EHMT1: variants seen among roughly 807,000 people sequenced by gnomAD.
EHMT1 encodes the protein euchromatic histone lysine methyltransferase 1, also known as histone-lysine N-methyltransferase EHMT1.
In EHMT1, 15 loss-of-function variants were observed where a neutral mutation model predicts 147.2. The observed-to-expected ratio is 0.10, with a 90% CI of 0.07 to 0.16. The LOEUF (loss-of-function observed/expected upper bound fraction) is 0.16. Ranked by LOEUF, EHMT1 falls within the 10% of genes least tolerant of loss-of-function variation. The pLI, the probability that EHMT1 is intolerant of heterozygous loss-of-function variation, is 1.00. For synonymous variants in EHMT1, 795 were observed against 709.6 expected (o/e 1.12, Z -1.91); for missense variants, 1,587 against 1,772.4 (o/e 0.90, Z 1.88).
intron 21 of EHMT1, among the ~76,000 whole-genome samples, chr9:137,814,072 GCC>G (rs796380276): frequency 0.043 from 666 of 15,314 alleles, 24 homozygotes; most frequent in African/African-American, 0.18. Context: ...CCCCCCCCCC[GCC>G]CCCCGCCCCA....
In EHMT1 at chr9:137,813,392, C is replaced by T. The variant is rs143083438; in HGVS notation, c.3042C>T (p.Ile1014=). 26 of 1,611,030 alleles carry T rather than the reference C, an allele frequency of 1.6e-5. No homozygotes were observed. Among genetic ancestry groups the T allele is most frequent in the Admixed American group, 8.4e-5 (5 of 59,788 alleles). Residue 1014 remains isoleucine (I), a synonymous_variant, in exon 21 of 27, where the codon ATC becomes ATT. Coordinates refer to ENST00000460843, the MANE Select transcript of EHMT1 (RefSeq NM_024757.5). This position sits in a 1 kb window ranked among gnomAD's most constrained non-coding sequence, Gnocchi z 4.9. ...SPVERIVSRD[I]ARGYERIPIP... The stretch of plus-strand genomic sequence containing the variant: ...CCTGTCCTTTCCATGGCAGGGACAT[C>T]GCTCGAGGCTACGAGCGCATCCCCA...
chr9:137,807,383 C>G (rs1954034801), intron 18 of EHMT1, among the ~76,000 whole-genome samples: 1 of 152,322 alleles, frequency 6.6e-6, no homozygotes, highest in South Asian at 2.1e-4. Context: ...GTTTTCAGCT[C>G]TAAAAGTTCT....
At chr9:137,653,403 G>C (rs1938077846) in intron 1 of EHMT1, among the ~76,000 whole-genome samples, 1 of 152,176 alleles carries the variant, frequency 6.6e-6, no homozygotes, top group Non-Finnish European at 1.5e-5. Context: ...GATGTTCACA[G>C]AACAGTGAAG....
chr9:137,705,189 C>A lies in EHMT1; in HGVS notation c.22-5778C>A, dbSNP rs148422654. 5.4e-3 allele frequency among the ~76,000 whole-genome samples: 815 copies of A among 152,194 alleles called. 8 individuals are homozygous for A. The highest frequency in any genetic ancestry group is 0.018 in the African/African-American group (762 of 41,514). Reference sequence around the variant, plus strand: ...AAATTGTTTGTAGAGATGGGGGTCTCACTGTTTTGTCTAGGCTGGTCTTGA... The same window carrying A: ...AAATTGTTTGTAGAGATGGGGGTCTAACTGTTTTGTCTAGGCTGGTCTTGA... On this transcript the variant is annotated intron_variant, in intron 1 of 26. Coordinates refer to ENST00000460843, the MANE Select transcript of EHMT1 (RefSeq NM_024757.5).
chr9:137,723,901 C>T (rs1478733020), intron 3 of EHMT1, among the ~76,000 whole-genome samples: 2 of 152,232 alleles, frequency 1.3e-5, no homozygotes, highest in Admixed American at 1.3e-4. Flanking sequence ...CAGCGTTAAT[C>T]CCCATCATAA....
chr9:137,789,282 C>G (rs1952302864), intron 15 of EHMT1: 1 of 152,384 alleles, frequency 6.6e-6, no homozygotes, highest in South Asian at 2.1e-4. Flanking sequence ...GTCTGCGCTT[C>G]CGCCTGCGCT....
intron 23 of EHMT1, chr9:137,816,787 G>A (rs1457042161): frequency 5.9e-6 from 1 of 168,130 alleles, no homozygotes; most frequent in African/African-American, 2.4e-5. Context: ...TCTGTCCTTG[G>A]TATGGTAGAA....
In EHMT1 at chr9:137,716,713, G is replaced by C. The variant is rs1188644255; in HGVS notation, c.173G>C (p.Cys58Ser). Residue 58 changes from cysteine (C) to serine (S), a missense_variant, in exon 3 of 27, where the codon TGT becomes TCT. Transcript: ENST00000460843. ...MAADGETNGS[C>S]ENSDASSHAN... is the part of the protein sequence containing the mutation. ...GCGGACGGTGAGACCAATGGGTCTT[G>C]TGAAAACAGCGATGCCAGCAGTCAT... The C allele has an allele frequency of 6.2e-7, 1 of 1,611,756 alleles. No individual in the cohort carries two copies. The highest frequency in any genetic ancestry group is 1.1e-5 in the South Asian group (1 of 91,080).
chr9:137,795,430 CTCACACTCACAT>C (rs1398570445), intron 16 of EHMT1, among the ~76,000 whole-genome samples: 2 of 13,572 alleles, frequency 1.5e-4, no homozygotes, highest in South Asian at 0.017. Flanking sequence ...CACACACACT[CTCACACTCACAT>C]ACACACACAG....
intron 1 of EHMT1, chr9:137,665,074 T>C (rs944448557): frequency 7.9e-5 from 12 of 152,148 alleles, no homozygotes; most frequent in Non-Finnish European, 2.9e-5. Flanking sequence ...AGAATAGCAT[T>C]TATAGAGAAG....
At position 137,781,499 on chromosome 9, in the gene EHMT1, G is replaced by A. The variant is rs568351498; in HGVS notation, c.2276-792G>A. Reference sequence around the variant, plus strand: ...TGACGCTGGAATGTGTGGTGATGACGGCAGTCGATGTTTCACCTGTGCTGA... The same window carrying A: ...TGACGCTGGAATGTGTGGTGATGACAGCAGTCGATGTTTCACCTGTGCTGA... On this transcript the variant is annotated intron_variant, in intron 14 of 26. Coordinates refer to ENST00000460843, the MANE Select transcript of EHMT1 (RefSeq NM_024757.5). 7.9e-5 allele frequency among the ~76,000 whole-genome samples: 12 copies of A among 152,292 alleles called. 1 individual carries two copies. In the East Asian group the frequency reaches 1.2e-3, roughly 15 times the overall value.
intron 6 of EHMT1, among the ~76,000 whole-genome samples, chr9:137,745,248 T>C (rs1053435400): frequency 6.6e-6 from 1 of 152,234 alleles, no homozygotes; most frequent in Non-Finnish European, 1.5e-5. Flanking sequence ...AAGCATTTTC[T>C]ATCATTTGTC....
intron 1 of EHMT1, chr9:137,641,010 TCTC>T: frequency 4.8e-6 from 1 of 207,322 alleles, no homozygotes; most frequent in South Asian, 7.9e-5. Context: ...TTAGTTATCT[TCTC>T]CTTATCCCGT....
intron 1 of EHMT1, among the ~76,000 whole-genome samples, chr9:137,702,017 C>T (rs936277597): frequency 2.0e-5 from 3 of 152,114 alleles, no homozygotes; most frequent in African/African-American, 7.2e-5. Context: ...TCGTCTCGAA[C>T]TTCTGACCTC....
rs181406363 is a variant in EHMT1 at position 137,739,137 on chromosome 9, C to T, written c.824-4234C>T. 5.4e-3 allele frequency among the ~76,000 whole-genome samples: 818 copies of T among 150,166 alleles called. 6 individuals carry two copies. Among genetic ancestry groups the T allele is most frequent in the South Asian group, 0.04 (191 of 4,758 alleles). ...CTGTAATCCCAGCACTTTGGGAGGC[C>T]GAAGCAGGCAGATCACAAGGTCAGG... On this transcript the variant is annotated intron_variant, in intron 4 of 26. Transcript: ENST00000460843.
intron 1 of EHMT1, among the ~76,000 whole-genome samples, chr9:137,631,931 A>G (rs1843656685): frequency 6.6e-6 from 1 of 152,190 alleles, no homozygotes; most frequent in African/African-American, 2.4e-5. Context: ...CTGCCTAATC[A>G]CGTCGTGGGC....
In EHMT1 at chr9:137,754,099, ACTTGTAGTGCTCTTGC is replaced by A. The variant is rs1269644923; in HGVS notation, c.1249-68_1249-53del. On this transcript the variant is annotated intron_variant, in intron 7 of 26. Coordinates refer to ENST00000460843, the MANE Select transcript of EHMT1 (RefSeq NM_024757.5). ...CCAGTGTTCTGTTTTGCAAGAAAAC[ACTTGTAGTGCTCTTGC>A]CTTCCGTAGCTTCCTGTGCTTAGTG... 1.6e-5 allele frequency: 25 copies of A among 1,609,590 alleles called. No individual in the cohort carries two copies. The Admixed American group carries it at 4.2e-4, about 27-fold the overall frequency.
intron 1 of EHMT1, chr9:137,637,411 G>A (rs2133754161): frequency 6.6e-6 from 1 of 152,354 alleles, no homozygotes; most frequent in South Asian, 2.1e-4. Context: ...CTGACCTCAG[G>A]TGATCCGCCT....
chr9:137,810,148 G>A (rs1352114004), intron 18 of EHMT1, among the ~76,000 whole-genome samples: 1 of 145,692 alleles, frequency 6.9e-6, no homozygotes, highest in East Asian at 2.2e-4. Context: ...GCTGCCCCTC[G>A]TGGACTGTGG....
Sources: gnomAD v4.1 joint callset for allele counts (sites outside exome capture counted in the v4.1 genomes callset) on GRCh38, gnomAD v4.1.1 for gene constraint, Gnocchi (gnomAD v3.1) non-coding constraint, MANE v1.5 for transcripts, NCBI Gene and HGNC (gene_info 2026-07-23, HGNC 2026-07-21) for gene names.